The following STARD8 variants were observed in gnomAD, a reference collection of about 807,000 sequenced individuals.
STARD8 encodes stAR-related lipid transfer protein 8.
In STARD8, 25 loss-of-function variants were observed where a neutral mutation model predicts 69.4. The ratio of observed to expected loss-of-function variants is 0.36; its 90% confidence interval spans 0.26 to 0.50. The LOEUF (loss-of-function observed/expected upper bound fraction) is 0.50. Ranked by LOEUF, STARD8 falls within the 20% of genes least tolerant of loss-of-function variation. STARD8 has a pLI of 0.96. For missense variants in STARD8, 921 were observed against 932.5 expected, an observed-to-expected ratio of 0.99 and a Z score of 0.16; for synonymous variants, 389 against 374.6, an observed-to-expected ratio of 1.04 and a Z score of -0.45.
Position 68,718,435 on chromosome X carries a change from C to T in STARD8, c.1521C>T (p.Pro507=). The T allele has an allele frequency of 4.1e-6, 5 of 1,211,416 alleles. No individual in the cohort carries two copies. Among genetic ancestry groups the T allele is most frequent in the Non-Finnish European group, 4.5e-6 (4 of 895,296 alleles). ...AGGAGGCACATTCAGGCGGGGAACC[C>T]ACCTTTGCCTCTAGCCTGTCTGTGG... ...SEQEAHSGGE[P]TFASSLSVEE... is the part of the protein sequence containing the mutation. Residue 507 remains proline (P), a synonymous_variant, in exon 6 of 15, where the codon CCC becomes CCT. Coordinates refer to ENST00000374599, the MANE Select transcript of STARD8 (RefSeq NM_001142503.3).
At chrX:68,653,120 A>C (rs1374270687) in intron 1 of STARD8, among the ~76,000 whole-genome samples, 7 of 63,539 alleles carry the variant, frequency 1.1e-4, no homozygotes, top group Admixed American at 1.7e-4. Flanking sequence ...CACACCACAC[A>C]CCACACACAC....
At chrX:68,653,264 A>C (rs1271718897) in intron 1 of STARD8, among the ~76,000 whole-genome samples, 12 of 22,318 alleles carry the variant, frequency 5.4e-4, no homozygotes, top group East Asian at 1.6e-3. Context: ...CACCACACAC[A>C]CCACACACCA....
chrX:68,668,634 AT>A (rs1260902999), intron 2 of STARD8, among the ~76,000 whole-genome samples: 1 of 111,268 alleles, frequency 9.0e-6, no homozygotes, highest in Non-Finnish European at 1.9e-5. Context: ...AGCATTAGGA[AT>A]GTCCAACTGG....
intron 4 of STARD8, 107 bp from the exon 5 acceptor site, chrX:68,716,261 G>A (rs1442488506): frequency 6.9e-6 from 5 of 720,784 alleles, no homozygotes; most frequent in African/African-American, 6.4e-5. Context: ...TGGAGCTTGC[G>A]AGAAGTTTTG....
At position 68,725,623 on chromosome X, in the gene STARD8, C is replaced by T. The variant is rs1375459047; in HGVS notation, c.*1201C>T. ...GTATATGTGTTTATAGAGATACACACACATATATATGTGTGTATATATATA... is the reference window on the plus strand; with the variant it reads ...GTATATGTGTTTATAGAGATACACATACATATATATGTGTGTATATATATA... On this transcript the variant is annotated 3_prime_UTR_variant, in exon 15 of 15. Transcript: ENST00000374599. 1 of 104,871 alleles carries T rather than the reference C, an allele frequency of 9.5e-6. No individual in the cohort carries two copies. The highest frequency in any genetic ancestry group is 1.9e-5 in the Non-Finnish European group (1 of 51,474). 8.6% of individuals were successfully genotyped at this position (104,871 alleles called of 1,213,427 possible).
At chrX:68,722,674 A>G in intron 12 of STARD8, 28 bp downstream of exon 12, 1 of 1,197,148 alleles carries the variant, frequency 8.4e-7, no homozygotes, top group Non-Finnish European at 1.1e-6. Context: ...GGTGGCTGCT[A>G]TGGGGCTGGG....
intron 2 of STARD8, among the ~76,000 whole-genome samples, chrX:68,692,568 T>A (rs926743910): frequency 8.9e-6 from 1 of 112,457 alleles, no homozygotes; most frequent in Non-Finnish European, 1.9e-5. Context: ...AGTTCCTGCC[T>A]TCTAGGAATG....
rs41310627 is a variant in STARD8, at chrX:68,717,433, C to T, written c.519C>T (p.Pro173=). ...VSLPPEPADL[P]LPGRAPSSSD... is the part of the protein sequence containing the mutation. ...TACCACCCGAGCCAGCAGACTTGCC[C>T]TTGCCAGGCCGTGCCCCCAGCTCGA... Residue 173 remains proline, a synonymous_variant, in exon 6 of 15, where the codon CCC becomes CCT. Coordinates refer to ENST00000374599, the MANE Select transcript of STARD8 (RefSeq NM_001142503.3). 0.08 allele frequency: 96,607 copies of T among 1,207,187 alleles called. 3,107 individuals carry two copies. Among genetic ancestry groups the T allele is most frequent in the Middle Eastern group, 0.1 (443 of 4,345 alleles).
At chrX:68,659,524 T>G (rs1479588723) in intron 1 of STARD8, among the ~76,000 whole-genome samples, 1 of 108,191 alleles carries the variant, frequency 9.2e-6, no homozygotes, top group Non-Finnish European at 1.9e-5. Flanking sequence ...CATCCCACAC[T>G]GGAATCCCCG....
intron 2 of STARD8, among the ~76,000 whole-genome samples, chrX:68,672,805 C>T (rs2079737980): frequency 9.0e-6 from 1 of 111,111 alleles, no homozygotes; most frequent in Admixed American, 9.5e-5. Flanking sequence ...TGACCTTCCA[C>T]ATCCCAAGCC....
At chrX:68,703,514 C>T (rs2079982202) in intron 2 of STARD8, among the ~76,000 whole-genome samples, 1 of 112,597 alleles carries the variant, frequency 8.9e-6, no homozygotes, top group Non-Finnish European at 1.9e-5. Context: ...CTCTGGCTCT[C>T]CTTGGGGCTG....
chrX:68,688,419 ACCACT>A (rs2079849444), intron 2 of STARD8, among the ~76,000 whole-genome samples: 1 of 109,896 alleles, frequency 9.1e-6, no homozygotes, highest in African/African-American at 3.4e-5. Flanking sequence ...AAAGCCACAC[ACCACT>A]CCACAAGCAG....
intron 1 of STARD8, among the ~76,000 whole-genome samples, chrX:68,653,794 C>A (rs1230915682): frequency 1.8e-5 from 2 of 109,038 alleles, no homozygotes; most frequent in African/African-American, 6.7e-5. Flanking sequence ...ACACACACCA[C>A]ATACACACAC....
At position 68,720,887 on chromosome X, in the gene STARD8, T is replaced by G. The variant is rs764773159; in HGVS notation, c.2050-37T>G. 5 of 1,173,397 alleles carry G rather than the reference T, an allele frequency of 4.3e-6. No individual in the cohort carries two copies. In the African/African-American group the frequency reaches 8.9e-5, roughly 21 times the overall value. On this transcript the variant is annotated intron_variant, in intron 8 of 14. Transcript: ENST00000374599. ...TCACAGTCTGCCTCCTACTCATGCATGTTTTCCTCACTCCCTCCCTCCCCT... is the reference window on the plus strand; with the variant it reads ...TCACAGTCTGCCTCCTACTCATGCAGGTTTTCCTCACTCCCTCCCTCCCCT...
chrX:68,721,697 C>T lies in STARD8; in HGVS notation c.2410C>T (p.Pro804Ser). Residue 804 changes from proline (P) to serine (S), a missense_variant, in exon 10 of 15, where the codon CCC becomes TCC. Coordinates refer to ENST00000374599, the MANE Select transcript of STARD8 (RefSeq NM_001142503.3). ...TAGNLAVCLA[P>S]SIFHLNVSKK... ...AGGCAACCTGGCAGTGTGCCTGGCG[C>T]CCTCCATCTTCCACCTCAATGTCTC... 8.2e-7 allele frequency: 1 copy of T among 1,212,272 alleles called. No individual in the cohort carries two copies. Among genetic ancestry groups the T allele is most frequent in the Non-Finnish European group, 1.1e-6 (1 of 895,583 alleles).
chrX:68,669,916 C>T (rs746589815), intron 2 of STARD8, among the ~76,000 whole-genome samples: 3 of 112,911 alleles, frequency 2.7e-5, no homozygotes, highest in African/African-American at 9.6e-5. Context: ...ATTCAATCCA[C>T]ATCCTTTCTT....
intron 1 of STARD8, among the ~76,000 whole-genome samples, chrX:68,660,525 G>C (rs781438082): frequency 1.8e-5 from 2 of 111,863 alleles, no homozygotes; most frequent in South Asian, 7.5e-4. Context: ...CGTGACACCA[G>C]TGCTCCAACT....
At position 68,717,358 on chromosome X, in the gene STARD8, C is replaced by A. The variant is rs779324293; in HGVS notation, c.444C>A (p.Ser148Arg). 2 of 1,205,043 alleles carry A rather than the reference C, an allele frequency of 1.7e-6. No individual in the cohort carries two copies. The highest frequency in any genetic ancestry group is 2.2e-6 in the Non-Finnish European group (2 of 893,485). Residue 148 changes from serine (S) to arginine (R), a missense_variant, in exon 6 of 15, where the codon AGC becomes AGA. Coordinates refer to ENST00000374599, the MANE Select transcript of STARD8 (RefSeq NM_001142503.3). ...PGLPATSSCE[S>R]VLTELSATSL... ...TGCCAGCGACCTCAAGCTGTGAGAG[C>A]GTCCTCACCGAGCTTAGTGCCACCT...
At chrX:68,689,800 G>A (rs1403513703) in intron 2 of STARD8, among the ~76,000 whole-genome samples, 2 of 110,953 alleles carry the variant, frequency 1.8e-5, no homozygotes, top group Non-Finnish European at 3.8e-5. Flanking sequence ...GGGCTGAGAG[G>A]GGGTGCTCCT....
Sources: allele counts gnomAD v4.1 joint callset (sites outside exome capture counted in the v4.1 genomes callset), GRCh38; gene constraint gnomAD v4.1.1; transcripts MANE v1.5; gene names NCBI Gene and HGNC (gene_info 2026-07-23, HGNC 2026-07-21).